The following ENTREP2 variants were observed in gnomAD, a reference collection of about 807,000 sequenced individuals.
The protein encoded by ENTREP2 is protein ENTREP2.
chr15:29,126,091 C>T, the ENTREP2 span, among the ~76,000 whole-genome samples: 3 of 152,222 alleles, frequency 2.0e-5, no homozygotes, highest in South Asian at 2.1e-4. Context: ...TGCAGAGGGG[C>T]CCACAGGCTG....
the ENTREP2 span, among the ~76,000 whole-genome samples, chr15:29,242,956 C>T: frequency 1.3e-5 from 2 of 152,178 alleles, no homozygotes; most frequent in African/African-American, 2.4e-5. Flanking sequence ...CCCTGAGATT[C>T]TAGCACAGCT....
chr15:29,300,398 A>G, the ENTREP2 span, among the ~76,000 whole-genome samples: 11 of 128,960 alleles, frequency 8.5e-5, no homozygotes, highest in Admixed American at 4.7e-4. Flanking sequence ...TAGATGGATA[A>G]ATGGATGGAT....
At chr15:29,504,619 G>A in the ENTREP2 span, among the ~76,000 whole-genome samples, 27 of 152,274 alleles carry the variant, frequency 1.8e-4, no homozygotes, top group Admixed American at 1.3e-4. Context: ...ATTCTGCCTC[G>A]TGCTTTTATA....
At chr15:29,176,396 TG>T in the ENTREP2 span, among the ~76,000 whole-genome samples, 170 of 152,174 alleles carry the variant, frequency 1.1e-3, no homozygotes, top group Non-Finnish European at 2.0e-3. Flanking sequence ...ACAGTCAGTT[TG>T]GGGGCCATGA....
the ENTREP2 span, among the ~76,000 whole-genome samples, chr15:29,286,401 C>T: frequency 6.6e-6 from 1 of 152,196 alleles, no homozygotes; most frequent in Non-Finnish European, 1.5e-5. Context: ...AAAATAACAG[C>T]ATATGTGGTA....
At chr15:29,357,416 C>T in the ENTREP2 span, among the ~76,000 whole-genome samples, 1 of 151,770 alleles carries the variant, frequency 6.6e-6, no homozygotes, top group Non-Finnish European at 1.5e-5. Flanking sequence ...TCACATATTC[C>T]ACCAAGAAAT....
the ENTREP2 span, chr15:29,234,938 A>G: frequency 6.5e-7 from 1 of 1,537,376 alleles, no homozygotes; most frequent in Non-Finnish European, 9.0e-7. Context: ...TGAGCCAGAT[A>G]AAATATATTC....
the ENTREP2 span, among the ~76,000 whole-genome samples, chr15:29,586,721 C>T: frequency 1.1e-4 from 17 of 151,080 alleles, no homozygotes; most frequent in African/African-American, 4.1e-4. Context: ...TGCACTCCAG[C>T]CTGGGCAACA....
At chr15:29,656,207 C>T in the ENTREP2 span, among the ~76,000 whole-genome samples, 16 of 151,042 alleles carry the variant, frequency 1.1e-4, no homozygotes, top group Non-Finnish European at 2.1e-4. Flanking sequence ...TCTGTGCTAT[C>T]AATATAAGAA....
the ENTREP2 span, among the ~76,000 whole-genome samples, chr15:29,368,825 G>A: frequency 1.3e-5 from 2 of 151,946 alleles, no homozygotes; most frequent in Non-Finnish European, 2.9e-5. Flanking sequence ...AAGCTGCAGT[G>A]AGCTATGATC....
chr15:29,278,403 C>G, the ENTREP2 span, among the ~76,000 whole-genome samples: 6 of 152,198 alleles, frequency 3.9e-5, no homozygotes, highest in African/African-American at 1.4e-4. Context: ...GAGTCCACAG[C>G]TGTCCCCTTT....
chr15:29,282,423 G>A, the ENTREP2 span, among the ~76,000 whole-genome samples: 7 of 152,180 alleles, frequency 4.6e-5, no homozygotes, highest in Non-Finnish European at 1.0e-4. Context: ...TCTTGGGTAT[G>A]TCTTTATCAG....
the ENTREP2 span, among the ~76,000 whole-genome samples, chr15:29,449,114 G>A: frequency 2.0e-5 from 3 of 152,244 alleles, no homozygotes; most frequent in African/African-American, 4.8e-5. Flanking sequence ...AGAAAGAGTA[G>A]TGGACATTTA....
the ENTREP2 span, among the ~76,000 whole-genome samples, chr15:29,465,145 C>T: frequency 6.6e-6 from 1 of 151,960 alleles, no homozygotes; most frequent in Non-Finnish European, 1.5e-5. Flanking sequence ...AACCCCCACT[C>T]AGCACTGGTG....
the ENTREP2 span, among the ~76,000 whole-genome samples, chr15:29,338,520 C>A: frequency 6.6e-6 from 1 of 152,000 alleles, no homozygotes; most frequent in Non-Finnish European, 1.5e-5. Flanking sequence ...TGGACCACAG[C>A]CTGAACAAAG....
At chr15:29,538,096 G>A in the ENTREP2 span, among the ~76,000 whole-genome samples, 8 of 152,132 alleles carry the variant, frequency 5.3e-5, no homozygotes, top group African/African-American at 9.7e-5. Flanking sequence ...TAGAATGCAC[G>A]CTGTAGGAGG....
the ENTREP2 span, among the ~76,000 whole-genome samples, chr15:29,504,187 T>C: frequency 6.6e-6 from 1 of 152,144 alleles, no homozygotes; most frequent in Non-Finnish European, 1.5e-5. Context: ...TACCAACATG[T>C]TTCTACCTAT....
chr15:29,146,843 G>A, the ENTREP2 span, among the ~76,000 whole-genome samples: 2 of 152,096 alleles, frequency 1.3e-5, no homozygotes, highest in Non-Finnish European at 2.9e-5. Flanking sequence ...GCTGAGGCAG[G>A]AGAATTGCTT....
At chr15:29,648,954 CA>C in the ENTREP2 span, among the ~76,000 whole-genome samples, 1 of 149,778 alleles carries the variant, frequency 6.7e-6, no homozygotes, top group Non-Finnish European at 1.5e-5. Flanking sequence ...AAAACAACAA[CA>C]AAAAAAACTG....
Sources: allele counts gnomAD v4.1 joint callset (sites outside exome capture counted in the v4.1 genomes callset), GRCh38; gene constraint gnomAD v4.1.1; transcripts MANE v1.5; gene names NCBI Gene and HGNC (gene_info 2026-07-23, HGNC 2026-07-21).